Variants in ANAPC7 observed in about 807,000 individuals in gnomAD.
ANAPC7 encodes anaphase promoting complex subunit 7.
In ANAPC7, 25 loss-of-function variants were observed where a neutral mutation model predicts 63.3. The ratio of observed to expected loss-of-function variants is 0.39; its 90% CI spans 0.29 to 0.55. ANAPC7 has a LOEUF of 0.55. ANAPC7 is among the 20% of genes least tolerant of loss of function. The probability of loss-of-function intolerance (pLI) is 0.57; values close to 1 mark genes in which losing one functional copy is unlikely to be tolerated. For synonymous variants in ANAPC7, 241 were observed against 251.7 expected (o/e 0.96, Z 0.40); for missense variants, 516 against 691.7 (o/e 0.75, Z 2.85).
At chr12:110,400,153 A>G (rs2062208854) in intron 1 of ANAPC7, among the ~76,000 whole-genome samples, 1 of 152,190 alleles carries the variant, frequency 6.6e-6, no homozygotes, top group Admixed American at 6.6e-5. Flanking sequence ...GTTCTCTTCA[A>G]ACTCTGTGAT....
intron 3 of ANAPC7, among the ~76,000 whole-genome samples, chr12:110,389,781 A>G (rs1882943689): frequency 6.6e-6 from 1 of 151,846 alleles, no homozygotes; most frequent in Non-Finnish European, 1.5e-5. Context: ...AAATACAAAA[A>G]ATTAGCTGGG....
At chr12:110,377,651 G>A in intron 8 of ANAPC7, 34 bp from the exon 9 acceptor site, 1 of 1,612,744 alleles carries the variant, frequency 6.2e-7, no homozygotes, top group Non-Finnish European at 8.5e-7. Flanking sequence ...GACATTCAAT[G>A]CCATTACCAT....
At chr12:110,389,968 A>G (rs567345132) in intron 3 of ANAPC7, among the ~76,000 whole-genome samples, 1 of 152,262 alleles carries the variant, frequency 6.6e-6, no homozygotes, top group Admixed American at 6.5e-5. Context: ...AACAAAAAAA[A>G]AGCCAGAAAA....
intron 8 of ANAPC7, 125 bp from the exon 9 acceptor site, chr12:110,377,742 T>C: frequency 2.0e-6 from 3 of 1,512,294 alleles, no homozygotes; most frequent in South Asian, 1.3e-5. Context: ...CACGGGAAAC[T>C]GATGGTGAGA....
intron 3 of ANAPC7, among the ~76,000 whole-genome samples, chr12:110,393,973 C>A (rs1373726905): frequency 3.3e-5 from 5 of 149,578 alleles, no homozygotes; most frequent in Non-Finnish European, 4.4e-5. Flanking sequence ...GAGTTCGAGA[C>A]CAGCCTGGCC....
intron 8 of ANAPC7, chr12:110,377,902 A>T (rs1881437958): frequency 3.0e-6 from 3 of 1,016,286 alleles, no homozygotes; most frequent in South Asian, 4.0e-5. Flanking sequence ...TGAGCACCCC[A>T]TCTGACCACT....
intron 1 of ANAPC7, among the ~76,000 whole-genome samples, chr12:110,402,099 C>T (rs2062238579): frequency 1.3e-5 from 2 of 150,910 alleles, no homozygotes; most frequent in African/African-American, 4.8e-5. Context: ...CGCTTGAACC[C>T]AGGAAGCGGA....
At chr12:110,399,772 G>A (rs1253289476) in intron 1 of ANAPC7, among the ~76,000 whole-genome samples, 3 of 138,836 alleles carry the variant, frequency 2.2e-5, no homozygotes, top group Non-Finnish European at 3.1e-5. Flanking sequence ...CCTGGGTGAC[G>A]AGAGAGAGAC....
At chr12:110,403,437 T>C in intron 1 of ANAPC7, 90 bp downstream of exon 1, 3 of 1,430,634 alleles carry the variant, frequency 2.1e-6, no homozygotes, top group South Asian at 2.6e-5. Flanking sequence ...CGGCCGCTCC[T>C]TCCCGCCTGT....
In ANAPC7 at chr12:110,376,059, T is replaced by A. The variant is rs774600740; in HGVS notation, c.1508+7A>T. 2.0e-5 allele frequency: 32 copies of A among 1,610,020 alleles called. No homozygotes were observed. The highest frequency in any genetic ancestry group is 2.7e-5 in the African/African-American group (2 of 74,846). On this transcript the variant is annotated splice_region_variant and intron_variant, in intron 10 of 10. Coordinates refer to ENST00000455511, the MANE Select transcript of ANAPC7 (RefSeq NM_016238.3). ...GTGGCCTTCCCCCAAGGGAGGCTAG[T>A]GCCTACCTTAGTGCTATACTATACT...
At chr12:110,401,310 G>A (rs576163808) in intron 1 of ANAPC7, among the ~76,000 whole-genome samples, 1 of 152,292 alleles carries the variant, frequency 6.6e-6, no homozygotes, top group South Asian at 2.1e-4. Context: ...TTGGATGTGT[G>A]AACTTGGACA....
intron 9 of ANAPC7, among the ~76,000 whole-genome samples, chr12:110,376,934 A>G (rs1159356979): frequency 6.6e-6 from 1 of 151,812 alleles, no homozygotes; most frequent in African/African-American, 2.4e-5. Context: ...CGGCCTGGCC[A>G]ATATGGTGAA....
At chr12:110,383,960 T>C (rs1274314122) in intron 6 of ANAPC7, among the ~76,000 whole-genome samples, 1 of 149,690 alleles carries the variant, frequency 6.7e-6, no homozygotes, top group East Asian at 2.0e-4. Context: ...CCCAGCACTT[T>C]GGGAGGCTGA....
At chr12:110,401,587 G>A (rs529699455) in intron 1 of ANAPC7, among the ~76,000 whole-genome samples, 6 of 152,046 alleles carry the variant, frequency 3.9e-5, no homozygotes, top group African/African-American at 1.2e-4. Context: ...AACACGCTTG[G>A]TGCATTCAAA....
intron 4 of ANAPC7, 107 bp from the exon 5 acceptor site, chr12:110,387,999 C>T: frequency 8.5e-7 from 1 of 1,179,422 alleles, no homozygotes; most frequent in East Asian, 2.5e-5. Flanking sequence ...AACTGCTTCC[C>T]TATTCTGAGC....
rs182259769 is a variant in ANAPC7 at position 110,386,331 on chromosome 12, T to A, written c.813A>T (p.Ile271=). The change falls in exon 6 of 11, where the codon ATA becomes ATT. Residue 271 remains isoleucine, a synonymous_variant. Coordinates refer to ENST00000455511, the MANE Select transcript of ANAPC7 (RefSeq NM_016238.3). The part of the protein sequence containing the change: ...EQAQMLDPYL[I]KGMDVYGYLL... The stretch of plus-strand genomic sequence containing the variant: ...CCTGCCCCAAGAATTACTTACCTTT[T>A]ATCAGATAAGGATCCAACATCTGTG... The A allele has an allele frequency of 6.2e-7, 1 of 1,613,978 alleles. No individual in the cohort carries two copies. Among genetic ancestry groups the A allele is most frequent in the Non-Finnish European group, 8.5e-7 (1 of 1,180,002 alleles).
chr12:110,402,111 G>T (rs1414104951), intron 1 of ANAPC7, among the ~76,000 whole-genome samples: 1 of 150,704 alleles, frequency 6.6e-6, no homozygotes, highest in Non-Finnish European at 1.5e-5. Context: ...GGAAGCGGAG[G>T]CTGCAGTGAG....
chr12:110,381,626 C>A, intron 8 of ANAPC7, 126 bp downstream of exon 8: 1 of 954,550 alleles, frequency 1.0e-6, no homozygotes. Context: ...TGAGCCACCA[C>A]GTCCGGCCAG....
intron 8 of ANAPC7, chr12:110,377,925 G>C (rs1042343467): frequency 3.1e-5 from 23 of 737,402 alleles, no homozygotes; most frequent in Non-Finnish European, 4.0e-5. Context: ...AAGAATAAAT[G>C]CGACACTAAT....
Sources: allele counts gnomAD v4.1 joint callset (sites outside exome capture counted in the v4.1 genomes callset), GRCh38; gene constraint gnomAD v4.1.1; transcripts MANE v1.5; gene names NCBI Gene and HGNC (gene_info 2026-07-23, HGNC 2026-07-21).